The following TEX15 variants were observed in gnomAD, a reference collection of about 807,000 sequenced individuals.
The protein encoded by TEX15 is testis expressed 15, meiosis and synapsis associated, also known as testis-expressed protein 15.
In TEX15, 171 loss-of-function variants were observed where a neutral mutation model predicts 237.3. The ratio of observed to expected loss-of-function variants is 0.72; its 90% CI spans 0.64 to 0.82. The LOEUF (loss-of-function observed/expected upper bound fraction) is 0.82. TEX15 is among the 40% of genes least tolerant of loss of function. The pLI is 0.00. For missense variants in TEX15, 3,750 were observed against 3,646.5 expected, an observed-to-expected ratio of 1.03 and a Z score of -0.73; for synonymous variants, 1,338 against 1,269.8, an observed-to-expected ratio of 1.05 and a Z score of -1.14.
rs1434129681 is a variant in TEX15, at chr8:30,849,336, G to A, written c.851-20C>T. ...TCCTTTCTGTGGAAATAATAAGGAA[G>A]ACAAATTTGAAAAAAAGTGTTTCTA... On this transcript the variant is annotated intron_variant, in intron 7 of 10. Transcript: ENST00000643185. 1.7e-5 allele frequency: 24 copies of A among 1,433,096 alleles called. No homozygotes were observed. In the Admixed American group the frequency reaches 2.1e-4, roughly 13 times the overall value. 88.8% of individuals were successfully genotyped at this position (1,433,096 alleles called of 1,614,324 possible).
In TEX15 at chr8:30,867,505, A is replaced by G. The variant is rs757264423; in HGVS notation, c.303-3T>C. 3.3e-6 allele frequency: 5 copies of G among 1,501,438 alleles called. No individual in the cohort carries two copies. The highest frequency in any genetic ancestry group is 4.5e-6 in the Non-Finnish European group (5 of 1,116,300). The allele number at this position is 1,501,438 out of a possible 1,614,324, so 93.0% of individuals were successfully genotyped here. A position where few individuals can be genotyped will look rare whatever the true frequency, so the allele number is the denominator to read the frequency against. On this transcript the variant is annotated splice_region_variant and splice_polypyrimidine_tract_variant and intron_variant, in intron 4 of 10. Coordinates refer to ENST00000643185, the MANE Select transcript of TEX15 (RefSeq NM_001350162.2). ...TTCCACTTTCACGCATCTCTGACCT[A>G]AAGTAAAACAAACAATGTATACAGT...
chr8:30,862,641 G>A (rs868687868), intron 5 of TEX15, among the ~76,000 whole-genome samples: 1 of 152,118 alleles, frequency 6.6e-6, no homozygotes, highest in Admixed American at 6.6e-5. Flanking sequence ...AAGGAGTTAT[G>A]CCACATGAAC....
At chr8:30,904,710 T>C (rs920233763) in intron 1 of TEX15, among the ~76,000 whole-genome samples, 2 of 152,190 alleles carry the variant, frequency 1.3e-5, no homozygotes, top group African/African-American at 4.8e-5. Context: ...ATCTTGCATA[T>C]AAAATATTCC....
rs757977058 is a variant in TEX15 at position 30,846,738 on chromosome 8, A to G, written c.3429T>C (p.Asn1143=). Residue 1143 remains asparagine, a synonymous_variant, in exon 8 of 11, where the codon AAT becomes AAC. Coordinates refer to ENST00000643185, the MANE Select transcript of TEX15 (RefSeq NM_001350162.2). ...SNYFYSSTQN[N]ETELTSPILL... ...AAATTGGGCTGGTAAGTTCTGTTTCATTGTTTTGTGTAGAGGAATAAAAAT... is the reference window on the plus strand; with the variant it reads ...AAATTGGGCTGGTAAGTTCTGTTTCGTTGTTTTGTGTAGAGGAATAAAAAT... 10 of 1,613,704 alleles carry G rather than the reference A, an allele frequency of 6.2e-6. No individual in the cohort carries two copies. The highest frequency in any genetic ancestry group is 8.5e-6 in the Non-Finnish European group (10 of 1,179,782).
In TEX15 at chr8:30,843,110, T is replaced by C; in HGVS notation, c.7057A>G (p.Ser2353Gly). The C allele has an allele frequency of 1.2e-6, 2 of 1,613,350 alleles. No homozygotes were observed. Among genetic ancestry groups the C allele is most frequent in the Non-Finnish European group, 1.7e-6 (2 of 1,179,602 alleles). ...SDHPINEATI[S>G]IENSKFNSNL... ...CTGTTAAATTTAGAATTTTCTATGC[T>C]AATTGTTGCTTCGTTTATTGGATGA... The change falls in exon 8 of 11, where the codon AGC becomes GGC. Residue 2353 changes from serine to glycine, a missense_variant. Coordinates refer to ENST00000643185, the MANE Select transcript of TEX15 (RefSeq NM_001350162.2).
intron 4 of TEX15, among the ~76,000 whole-genome samples, chr8:30,871,769 A>G (rs1450386428): frequency 2.0e-5 from 3 of 152,122 alleles, no homozygotes; most frequent in Non-Finnish European, 4.4e-5. Flanking sequence ...TACTACATCC[A>G]ACTCCAGATC....
intron 7 of TEX15, among the ~76,000 whole-genome samples, chr8:30,854,619 G>A (rs1298207862): frequency 1.3e-5 from 2 of 151,820 alleles, no homozygotes; most frequent in Non-Finnish European, 2.9e-5. Context: ...AAAGAGGAGA[G>A]AATAGAATAC....
chr8:30,855,067 A>C (rs1184839052), intron 7 of TEX15, among the ~76,000 whole-genome samples: 1 of 152,138 alleles, frequency 6.6e-6, no homozygotes, highest in Non-Finnish European at 1.5e-5. Flanking sequence ...AATACAGACA[A>C]AGATGTCTGC....
At chr8:30,898,299 C>A (rs954675693) in intron 2 of TEX15, among the ~76,000 whole-genome samples, 1 of 152,082 alleles carries the variant, frequency 6.6e-6, no homozygotes, top group South Asian at 2.1e-4. Flanking sequence ...ATGATTAAGT[C>A]GAGAACAGAC....
rs1297499360 is a variant in TEX15 at position 30,842,826 on chromosome 8, T to C, written c.7341A>G (p.Glu2447=). 6.2e-7 allele frequency: 1 copy of C among 1,613,002 alleles called. No homozygotes were observed. The highest frequency in any genetic ancestry group is 1.3e-5 in the African/African-American group (1 of 74,920). ...LKPEAIEMYI[E]IVMVSETIHF... ...GAATTGTTTCTGAGACCATGACGAT[T>C]TCAATATACATTTCAATAGCTTCAG... Residue 2447 remains glutamate, a synonymous_variant, in exon 8 of 11, where the codon GAA becomes GAG. Transcript: ENST00000643185.
rs575739022 is a variant in TEX15, at chr8:30,878,140, AC to A, written c.137-3039del. On this transcript the variant is annotated intron_variant, in intron 3 of 10. Transcript: ENST00000643185. The stretch of plus-strand genomic sequence containing the variant: ...CTTAGCATACTGCCTCTGAGATTCA[AC>A]CAAGTTGTTATATGAGTAGATTGTT... 3.9e-3 allele frequency among the ~76,000 whole-genome samples: 550 copies of A among 140,744 alleles called. 2 individuals are homozygous for A. The highest frequency in any genetic ancestry group is 6.0e-3 in the Non-Finnish European group (400 of 66,884). The allele number at this position is 140,744 out of a possible 152,430, so 92.3% of individuals were successfully genotyped here. A position where few individuals can be genotyped will look rare whatever the true frequency, so the allele number is the denominator to read the frequency against.
rs950611882 is a variant in TEX15 at position 30,909,162 on chromosome 8, A to T, written c.-86+3717T>A. Among the ~76,000 whole-genome samples the T allele has an allele frequency of 1.3e-5, 2 of 152,076 alleles. 1 individual carries two copies. Among genetic ancestry groups the T allele is most frequent in the African/African-American group, 4.8e-5 (2 of 41,380 alleles). On this transcript the variant is annotated intron_variant, in intron 1 of 10. Transcript: ENST00000643185. ...ACTAGATACTCAAATCAGTTATTTT[A>T]TTAATCATTATCCTAAAAAATCTTC...
chr8:30,905,352 G>A (rs979150248), intron 1 of TEX15, among the ~76,000 whole-genome samples: 1 of 151,714 alleles, frequency 6.6e-6, no homozygotes, highest in African/African-American at 2.4e-5. Context: ...AGCATTCTAG[G>A]CAGAGAATGA....
intron 1 of TEX15, among the ~76,000 whole-genome samples, chr8:30,908,959 A>G (rs1189197618): frequency 6.6e-6 from 1 of 152,186 alleles, no homozygotes; most frequent in East Asian, 1.9e-4. Flanking sequence ...TTCCGCATTC[A>G]TATTCTTTCT....
rs1017517481 is a variant in TEX15, at chr8:30,847,993, G to A, written c.2174C>T (p.Pro725Leu). 1.9e-6 allele frequency: 3 copies of A among 1,613,846 alleles called. No homozygotes were observed. The highest frequency in any genetic ancestry group is 2.5e-6 in the Non-Finnish European group (3 of 1,179,950). ...PSFESLSQKH[P>L]QHSVEYEGNI... The stretch of plus-strand genomic sequence containing the variant: ...ACCCTCATACTCCACAGAGTGCTGA[G>A]GATGCTTTTGTGACAGGCTCTCAAA... Residue 725 changes from proline (P) to leucine (L), a missense_variant, in exon 8 of 11, where the codon CCT (proline) becomes CTT (leucine). Coordinates refer to ENST00000643185, the MANE Select transcript of TEX15 (RefSeq NM_001350162.2).
chr8:30,853,998 A>C (rs1026418700), intron 7 of TEX15, among the ~76,000 whole-genome samples: 1 of 152,104 alleles, frequency 6.6e-6, no homozygotes, highest in African/African-American at 2.4e-5. Flanking sequence ...ACACAGCTAA[A>C]GTAGTTGTTT....
chr8:30,860,202 G>C (rs1808015817), intron 5 of TEX15, 145 bp from the exon 6 acceptor site: 1 of 637,226 alleles, frequency 1.6e-6, no homozygotes, highest in African/African-American at 1.9e-5. Context: ...GGAGTTGCAG[G>C]CTCGACCTCT....
intron 3 of TEX15, among the ~76,000 whole-genome samples, chr8:30,884,411 G>A (rs935036074): frequency 2.6e-5 from 4 of 152,162 alleles, no homozygotes; most frequent in African/African-American, 9.7e-5. Context: ...AAGAATTGGT[G>A]TAACTTCTTC....
chr8:30,861,982 G>GT (rs898929113), intron 5 of TEX15, among the ~76,000 whole-genome samples: 5 of 151,828 alleles, frequency 3.3e-5, no homozygotes, highest in African/African-American at 9.7e-5. Flanking sequence ...ACTGGCAAAA[G>GT]TTTTTTTTAA....
Sources: gnomAD v4.1 joint callset for allele counts (sites outside exome capture counted in the v4.1 genomes callset) on GRCh38, gnomAD v4.1.1 for gene constraint, MANE v1.5 for transcripts, NCBI Gene and HGNC (gene_info 2026-07-23, HGNC 2026-07-21) for gene names.